The following SLC46A1 variants were observed in gnomAD, a reference collection of about 807,000 sequenced individuals.
SLC46A1 encodes the protein proton-coupled folate transporter.
A neutral mutation model predicts 32.1 loss-of-function variants in SLC46A1; 17 were observed. That is an observed-to-expected ratio of 0.53 (90% CI 0.36 to 0.79). The LOEUF (loss-of-function observed/expected upper bound fraction) is 0.79. Ranked by LOEUF, SLC46A1 falls within the 30% of genes least tolerant of loss-of-function variation. The pLI is 0.00. For synonymous variants in SLC46A1, 240 were observed against 262.7 expected (o/e 0.91, Z 0.84); for missense variants, 517 against 588.2 (o/e 0.88, Z 1.25).
chr17:28,404,562 C>A, intron 2 of SLC46A1, 54 bp downstream of exon 2: 1 of 1,603,274 alleles, frequency 6.2e-7, no homozygotes, highest in Non-Finnish European at 8.5e-7. Flanking sequence ...GGCCGGCCCC[C>A]AGTTCTTACC....
intron 2 of SLC46A1, 190 bp from the exon 3 acceptor site, chr17:28,402,511 C>T (rs2068209928): frequency 1.9e-6 from 1 of 523,816 alleles, no homozygotes. Flanking sequence ...GGCTTGGCCA[C>T]CTGCTAGCTC....
intron 2 of SLC46A1, 170 bp downstream of exon 2, chr17:28,404,446 A>G (rs1555590318): frequency 1.2e-6 from 1 of 800,560 alleles, no homozygotes; most frequent in South Asian, 1.6e-5. Flanking sequence ...TGTATCAAAG[A>G]TGGCATTTTT....
At chr17:28,400,110 A>G in intron 4 of SLC46A1, 1 of 239,318 alleles carries the variant, frequency 4.2e-6, no homozygotes, top group Middle Eastern at 1.6e-3. Context: ...GCCCAGGCTG[A>G]TCTTGAATTC....
chr17:28,396,378 A>G lies in SLC46A1; in HGVS notation c.*3278T>C. 1.3e-6 allele frequency: 2 copies of G among 1,503,818 alleles called. No individual in the cohort carries two copies. Among genetic ancestry groups the G allele is most frequent in the Non-Finnish European group, 1.8e-6 (2 of 1,095,190 alleles). 93.2% of individuals were successfully genotyped at this position (1,503,818 alleles called of 1,614,324 possible). A position where few individuals can be genotyped will look rare whatever the true frequency, so the allele number is the denominator to read the frequency against. On this transcript the variant is annotated 3_prime_UTR_variant, in exon 5 of 5. Transcript: ENST00000612814. ...CTGAAACCAGTCTCCCTGGGCTGAG[A>G]CAACCTGGGCTCTTCTTAGGAAATG...
rs553559977 is a variant in SLC46A1, at chr17:28,395,857, C to G, written c.*3799G>C. 3.1e-6 allele frequency: 5 copies of G among 1,607,762 alleles called. No individual in the cohort carries two copies. The highest frequency in any genetic ancestry group is 4.2e-6 in the Non-Finnish European group (5 of 1,178,468). On this transcript the variant is annotated 3_prime_UTR_variant, in exon 5 of 5. Transcript: ENST00000612814. Reference sequence around the variant, plus strand: ...CCAGCACCTGCCTGGCTACAAGGGTCCCTAGATGGGTACAGGGGTATCTTC... The same window carrying G: ...CCAGCACCTGCCTGGCTACAAGGGTGCCTAGATGGGTACAGGGGTATCTTC...
In SLC46A1 at chr17:28,395,976, C is replaced by A; in HGVS notation, c.*3680G>T. On this transcript the variant is annotated 3_prime_UTR_variant, in exon 5 of 5. Coordinates refer to ENST00000612814, the MANE Select transcript of SLC46A1 (RefSeq NM_080669.6). ...TTGATGGCTTCGAGTGGCCTGAGCC[C>A]CAGGTCCTGCCTGAGGACATGCAGG... The A allele has an allele frequency of 6.2e-7, 1 of 1,613,978 alleles. No homozygotes were observed. The highest frequency in any genetic ancestry group is 1.6e-4 in the Middle Eastern group (1 of 6,062).
At position 28,395,801 on chromosome 17, in the gene SLC46A1, C is replaced by T. The variant is rs534896850; in HGVS notation, c.*3855G>A. ...GGTGGACATCAGGACTGGTGTCCTG[C>T]CCTGGGCCCAGCCTCGGGCCAGTGG... On this transcript the variant is annotated 3_prime_UTR_variant, in exon 5 of 5. Coordinates refer to ENST00000612814, the MANE Select transcript of SLC46A1 (RefSeq NM_080669.6). 3.0e-6 allele frequency: 4 copies of T among 1,316,756 alleles called. No homozygotes were observed. The East Asian group carries it at 9.2e-5, about 30-fold the overall frequency. The allele number at this position is 1,316,756 out of a possible 1,614,324, so 81.6% of individuals were successfully genotyped here.
rs1457769697 is a variant in SLC46A1, at chr17:28,398,235, G to A, written c.*1421C>T. 4 of 152,318 alleles carry A rather than the reference G, an allele frequency of 2.6e-5. No individual in the cohort carries two copies. The highest frequency in any genetic ancestry group is 1.9e-4 in the East Asian group (1 of 5,198). 9.4% of individuals were successfully genotyped at this position (152,318 alleles called of 1,614,324 possible). A position where few individuals can be genotyped will look rare whatever the true frequency, so the allele number is the denominator to read the frequency against. On this transcript the variant is annotated 3_prime_UTR_variant, in exon 5 of 5. Coordinates refer to ENST00000612814, the MANE Select transcript of SLC46A1 (RefSeq NM_080669.6). The stretch of plus-strand genomic sequence containing the variant: ...CTGAGGTCCCCAAGGGCAGTATTCA[G>A]AGAGGTTTCCTGCGTTTTATTTCTA...
chr17:28,405,577 A>C, intron 1 of SLC46A1, 109 bp from the exon 2 acceptor site: 5 of 1,467,366 alleles, frequency 3.4e-6, no homozygotes, highest in Non-Finnish European at 4.6e-6. Context: ...TGGAGCCCTA[A>C]ACCTCAGAGA....
In SLC46A1 at chr17:28,404,637, T is replaced by C; in HGVS notation, c.1060A>G (p.Ile354Val). 1.9e-6 allele frequency: 3 copies of C among 1,610,842 alleles called. No individual in the cohort carries two copies. The highest frequency in any genetic ancestry group is 2.2e-5 in the East Asian group (1 of 44,792). Residue 354 changes from isoleucine (I) to valine (V), a missense_variant, in exon 2 of 5, where the codon ATC becomes GTC. Ile to Val is a conservative substitution (Grantham distance 29). Transcript: ENST00000612814. ...LGMVVFAFAT[I>V]TPLMFTGYGL... ...TTACCTGTGAACATGAGAGGCGTGA[T>C]AGTGGCAAAGGCAAAGACCACCATC... is the stretch of plus-strand genomic sequence containing the variant.
At chr17:28,401,019 G>A in intron 3 of SLC46A1, 1 of 462,656 alleles carries the variant, frequency 2.2e-6, no homozygotes, top group Non-Finnish European at 3.8e-6. Context: ...TGATCTGACA[G>A]AACCCAGCAC....
rs149202167 is a variant in SLC46A1, at chr17:28,405,668, C to G, written c.229-200G>C. The G allele has an allele frequency of 1.3e-4, 126 of 974,514 alleles. 1 individual carries two copies. Among genetic ancestry groups the G allele is most frequent in the African/African-American group, 1.0e-3 (61 of 60,892 alleles). The allele number at this position is 974,514 out of a possible 1,614,324, so 60.4% of individuals were successfully genotyped here. On this transcript the variant is annotated intron_variant, in intron 1 of 4. Transcript: ENST00000612814. The stretch of plus-strand genomic sequence containing the variant: ...GGCCCCATTCCCTTTCCTTTCCCCC[C>G]CCTTTTGTTAACCTGCAAGGCCAGA...
In SLC46A1 at chr17:28,395,779, G is replaced by A. The variant is rs1185480505; in HGVS notation, c.*3877C>T. The A allele has an allele frequency of 5.5e-6, 5 of 913,226 alleles. No homozygotes were observed. In the East Asian group the frequency reaches 9.7e-5, roughly 18 times the overall value. 56.6% of individuals were successfully genotyped at this position (913,226 alleles called of 1,614,324 possible). On this transcript the variant is annotated 3_prime_UTR_variant, in exon 5 of 5. Transcript: ENST00000612814. ...CAAGGGTTAAGGTAGACATCAAGGT[G>A]GACATCAGGACTGGTGTCCTGCCCT...
rs1405932102 is a variant in SLC46A1 at position 28,396,489 on chromosome 17, T to G, written c.*3167A>C. 2 of 635,916 alleles carry G rather than the reference T, an allele frequency of 3.1e-6. No homozygotes were observed. The highest frequency in any genetic ancestry group is 3.7e-5 in the African/African-American group (2 of 54,360). The allele number at this position is 635,916 out of a possible 1,614,324, so 39.4% of individuals were successfully genotyped here. A position where few individuals can be genotyped will look rare whatever the true frequency, so the allele number is the denominator to read the frequency against. ...CTGGAGAGGGAAGGGAAGTCAGGCT[T>G]GGGCACGGGAGGTTAGAACTCCCCC... On this transcript the variant is annotated 3_prime_UTR_variant, in exon 5 of 5. Coordinates refer to ENST00000612814, the MANE Select transcript of SLC46A1 (RefSeq NM_080669.6).
Position 28,402,129 on chromosome 17 carries a change from G to T in SLC46A1, c.1165+109C>A, listed in dbSNP as rs1260171479. 3.6e-5 allele frequency: 33 copies of T among 904,310 alleles called. No individual in the cohort carries two copies. In the Admixed American group the frequency reaches 7.8e-4, roughly 21 times the overall value. 56.0% of individuals were successfully genotyped at this position (904,310 alleles called of 1,614,324 possible). On this transcript the variant is annotated intron_variant, in intron 3 of 4. Transcript: ENST00000612814. ...TTTGTTTTGGCCACTTACTTCTCCA[G>T]GGTGAGAGGGGGGAAGGCAAGCTGT... is the stretch of plus-strand genomic sequence containing the variant.
At chr17:28,400,388 A>G (rs183886521) in intron 4 of SLC46A1, 63 of 559,820 alleles carry the variant, frequency 1.1e-4, no homozygotes, top group Admixed American at 8.4e-4. Context: ...CCAAGCAGCA[A>G]TGTTAGCCTG....
At position 28,405,456 on chromosome 17, in the gene SLC46A1, G is replaced by A. The variant is rs1555591087; in HGVS notation, c.241C>T (p.Leu81Phe). 1.9e-6 allele frequency: 3 copies of A among 1,597,402 alleles called. No homozygotes were observed. Among genetic ancestry groups the A allele is most frequent in the South Asian group, 1.1e-5 (1 of 88,024 alleles). ...ADPTMQEVET[L>F]TSHWTLYMNV... ...ATGTAGAGGGTCCAGTGGGAGGTAA[G>A]GGTCTCCACTTCCTGTAGGGGCACA... The change falls in exon 2 of 5, where the codon CTT (leucine) becomes TTT (phenylalanine). Residue 81 changes from leucine (L) to phenylalanine (F), a missense_variant. Coordinates refer to ENST00000612814, the MANE Select transcript of SLC46A1 (RefSeq NM_080669.6).
At chr17:28,400,913 G>A (rs376029377) in intron 3 of SLC46A1, 147 bp from the exon 4 acceptor site, 50 of 743,980 alleles carry the variant, frequency 6.7e-5, no homozygotes, top group Non-Finnish European at 1.1e-4. Flanking sequence ...ATCATGTACT[G>A]TGACAAGGAT....
chr17:28,405,508 G>A, intron 1 of SLC46A1, 40 bp from the exon 2 acceptor site: 1 of 1,583,268 alleles, frequency 6.3e-7, no homozygotes, highest in Non-Finnish European at 8.6e-7. Flanking sequence ...TCCTCACTCT[G>A]GGTTCCACAA....
Sources: gnomAD v4.1 joint callset for allele counts on GRCh38, gnomAD v4.1.1 for gene constraint, MANE v1.5 for transcripts, NCBI Gene and HGNC (gene_info 2026-07-23, HGNC 2026-07-21) for gene names.